PIGG: variants seen among roughly 807,000 people sequenced by gnomAD.
PIGG encodes the protein phosphatidylinositol glycan anchor biosynthesis class G (EMM blood group), also known as GPI ethanolamine phosphate transferase 2, catalytic subunit.
PIGG carries 70 observed loss-of-function variants against 83.2 expected under a neutral mutation model. That is an observed-to-expected ratio of 0.84 (90% CI 0.69 to 1.03). PIGG has a LOEUF of 1.03. Ranked by LOEUF, PIGG falls within the 50% of genes least tolerant of loss-of-function variation. The pLI is 0.00. For missense variants in PIGG, 1,257 were observed against 1,233.6 expected (o/e 1.02, Z -0.28); for synonymous variants, 532 against 519.5 (o/e 1.02, Z -0.33).
intron 5 of PIGG, among the ~76,000 whole-genome samples, chr4:509,512 C>G (rs1346721634): frequency 6.6e-6 from 1 of 152,218 alleles, no homozygotes; most frequent in Non-Finnish European, 1.5e-5. Context: ...CTGTCGGCGG[C>G]TGCCTTCCAC....
At chr4:504,224 T>G (rs1343309421) in intron 2 of PIGG, among the ~76,000 whole-genome samples, 1 of 152,236 alleles carries the variant, frequency 6.6e-6, no homozygotes, top group African/African-American at 2.4e-5. Flanking sequence ...TTTTTATCTT[T>G]AAGCCTGTCT....
At chr4:526,429 G>A (rs972640026) in intron 9 of PIGG, among the ~76,000 whole-genome samples, 12 of 152,228 alleles carry the variant, frequency 7.9e-5, no homozygotes, top group African/African-American at 2.7e-4. Flanking sequence ...TCGGGACTCC[G>A]GGCTCTGCCC....
At chr4:524,642 C>G (rs1727076277) in intron 9 of PIGG, 1 of 152,154 alleles carries the variant, frequency 6.6e-6, no homozygotes, top group South Asian at 2.1e-4. Context: ...AGACGTCTCC[C>G]ACAAGGCTCA....
rs375674064 is a variant in PIGG, at chr4:524,248, G to A, written c.2069+335G>A. ...AGCTTGCTAGTGGCTTGTTCTGGAC[G>A]CCTCGTCCATGCCTGGGCTGTGTGC... On this transcript the variant is annotated intron_variant, in intron 9 of 12. Transcript: ENST00000453061. Among the ~76,000 whole-genome samples the A allele has an allele frequency of 6.6e-6, 1 of 152,194 alleles. No homozygotes were observed. The highest frequency in any genetic ancestry group is 1.5e-5 in the Non-Finnish European group (1 of 68,032).
chr4:509,724 C>G (rs1721235859), intron 5 of PIGG, among the ~76,000 whole-genome samples: 1 of 152,196 alleles, frequency 6.6e-6, no homozygotes, highest in Admixed American at 6.5e-5. Flanking sequence ...GCCTAGTTTC[C>G]TTTCCCTGGT....
intron 5 of PIGG, among the ~76,000 whole-genome samples, chr4:510,981 A>G (rs1721698441): frequency 6.6e-6 from 1 of 152,050 alleles, no homozygotes; most frequent in Admixed American, 6.5e-5. Context: ...CCAGGTTCAT[A>G]GTTATAGCAT....
rs142598041 is a variant in PIGG, at chr4:527,055, G to C, written c.2086G>C (p.Glu696Gln). Reference protein sequence around the residue: ...HWLTSSDHKAELSVLAALSLL... With the variant: ...HWLTSSDHKAQLSVLAALSLL... ...TCATTTCAGCTCTGACCACAAAGCC[G>C]AGCTCTCTGTCCTGGCTGCCCTCTC... The change falls in exon 10 of 13, where the codon GAG (glutamate) becomes CAG (glutamine). Residue 696 changes from glutamate to glutamine, a missense_variant. Transcript: ENST00000453061. 7 of 1,614,056 alleles carry C rather than the reference G, an allele frequency of 4.3e-6. No homozygotes were observed. The highest frequency in any genetic ancestry group is 5.9e-6 in the Non-Finnish European group (7 of 1,180,012).
intron 12 of PIGG, among the ~76,000 whole-genome samples, chr4:534,226 G>T (rs1003128992): frequency 6.6e-6 from 1 of 152,168 alleles, no homozygotes; most frequent in African/African-American, 2.4e-5. Context: ...TGGGTCTGAC[G>T]GGGCCTCGCT....
chr4:505,871 A>G lies in PIGG; in HGVS notation c.514A>G (p.Lys172Glu), dbSNP rs184717814. 13 of 1,613,420 alleles carry G rather than the reference A, an allele frequency of 8.1e-6. No individual in the cohort carries two copies. In the East Asian group the frequency reaches 1.6e-4, roughly 19 times the overall value. ...TGAAACCTGGGTTAAATTATTCCCA[A>G]AGCATTTTGTGGAATATGATGGAAC... Reference protein sequence around the residue: ...GDETWVKLFPKHFVEYDGTTS... With the variant: ...GDETWVKLFPEHFVEYDGTTS... Residue 172 changes from lysine to glutamate, a missense_variant, in exon 3 of 13, where the codon AAG becomes GAG. Coordinates refer to ENST00000453061, the MANE Select transcript of PIGG (RefSeq NM_001127178.3).
At chr4:500,273 G>T in intron 1 of PIGG, 123 bp from the exon 2 acceptor site, 2 of 708,294 alleles carry the variant, frequency 2.8e-6, no homozygotes, top group South Asian at 1.8e-5. Flanking sequence ...CTCCTTTTGG[G>T]TTGGGTTATG....
At chr4:504,569 C>T (rs534593945) in intron 2 of PIGG, among the ~76,000 whole-genome samples, 1 of 152,080 alleles carries the variant, frequency 6.6e-6, no homozygotes, top group Non-Finnish European at 1.5e-5. Flanking sequence ...GAGATTTTGC[C>T]GAGCTCCTCC....
rs1380877477 is a variant in PIGG, at chr4:530,664, C to A, written c.2490C>A (p.Phe830Leu). The A allele has an allele frequency of 6.2e-7, 1 of 1,613,534 alleles. No individual in the cohort carries two copies. Among genetic ancestry groups the A allele is most frequent in the East Asian group, 2.2e-5 (1 of 44,882 alleles). The change falls in exon 11 of 13, where the codon TTC becomes TTA. Residue 830 changes from phenylalanine (F) to leucine (L), a missense_variant. Coordinates refer to ENST00000453061, the MANE Select transcript of PIGG (RefSeq NM_001127178.3). ...SLLIQTLMTK[F>L]IWKPLRHDAA... ...TGATTCAGACTCTAATGACTAAATT[C>A]ATCTGGAAGCCCCTGAGACACGATG...
At position 528,694 on chromosome 4, in the gene PIGG, C is replaced by T. The variant is rs980605153; in HGVS notation, c.2261+1464C>T. 1.1e-5 allele frequency: 11 copies of T among 985,146 alleles called. No individual in the cohort carries two copies. The highest frequency in any genetic ancestry group is 1.7e-5 in the African/African-American group (1 of 57,208). 61.0% of individuals were successfully genotyped at this position (985,146 alleles called of 1,614,324 possible). On this transcript the variant is annotated intron_variant, in intron 10 of 12. Coordinates refer to ENST00000453061, the MANE Select transcript of PIGG (RefSeq NM_001127178.3). This position sits in a 1 kb window ranked among gnomAD's most constrained non-coding sequence, Gnocchi z 4.8. ...TTGCGGGTGTGTGTTTAAGGTGCAGCGTATGAATAAATTCATTTCCTCACA... is the reference window on the plus strand; with the variant it reads ...TTGCGGGTGTGTGTTTAAGGTGCAGTGTATGAATAAATTCATTTCCTCACA...
At chr4:522,251 C>G (rs1309578822) in intron 8 of PIGG, 1 of 577,490 alleles carries the variant, frequency 1.7e-6, no homozygotes, top group Non-Finnish European at 3.1e-6. Context: ...ACAAGCCCCC[C>G]CGCTGAGGGG....
rs185577079 is a variant in PIGG, at chr4:512,366, C to T, written c.901+3396C>T. ...TCCCGAGTAGCTGGGATTACAGGCA[C>T]CCACCACCACCGGTTAATTTTTGTA... On this transcript the variant is annotated intron_variant, in intron 5 of 12. Coordinates refer to ENST00000453061, the MANE Select transcript of PIGG (RefSeq NM_001127178.3). Among the ~76,000 whole-genome samples the T allele has an allele frequency of 7.9e-3, 1,194 of 151,272 alleles. 19 individuals carry two copies. Among genetic ancestry groups the T allele is most frequent in the African/African-American group, 0.028 (1,153 of 41,252 alleles).
intron 12 of PIGG, chr4:536,370 T>C (rs2109053680): frequency 6.6e-6 from 1 of 152,374 alleles, no homozygotes; most frequent in South Asian, 2.1e-4. Context: ...CTGTGGACGC[T>C]TGACACGCCC....
intron 12 of PIGG, among the ~76,000 whole-genome samples, chr4:535,579 G>C (rs535884663): frequency 2.6e-5 from 4 of 152,182 alleles, no homozygotes; most frequent in Non-Finnish European, 5.9e-5. Context: ...GCCCCAGGGA[G>C]CGCGCTGTGG....
intron 5 of PIGG, among the ~76,000 whole-genome samples, chr4:510,663 G>A (rs1330509088): frequency 6.6e-6 from 1 of 152,236 alleles, no homozygotes; most frequent in African/African-American, 2.4e-5. Flanking sequence ...TCAGTCCTGA[G>A]AGTTGGTTCT....
At chr4:527,447 T>TA in intron 10 of PIGG, 1 of 1,310,244 alleles carries the variant, frequency 7.6e-7, no homozygotes, top group East Asian at 3.0e-5. Flanking sequence ...TAGCACTTTT[T>TA]ATGTTTTATG....
Sources: allele counts gnomAD v4.1 joint callset (sites outside exome capture counted in the v4.1 genomes callset), GRCh38; gene constraint gnomAD v4.1.1; non-coding constraint Gnocchi (gnomAD v3.1); transcripts MANE v1.5; gene names NCBI Gene and HGNC (gene_info 2026-07-23, HGNC 2026-07-21).